SUPT16H: variants seen among roughly 807,000 people sequenced by gnomAD.
The protein encoded by SUPT16H is FACT complex subunit SPT16.
Under a neutral mutation model 136.2 loss-of-function variants are expected in SUPT16H, and 24 were observed. That is an observed-to-expected ratio of 0.18 (90% CI 0.13 to 0.25). SUPT16H has a LOEUF of 0.25. Among genes scored for constraint, SUPT16H ranks in the 10% least tolerant of loss-of-function variants. The pLI, the probability that SUPT16H is intolerant of heterozygous loss-of-function variation, is 1.00. For synonymous variants in SUPT16H, 415 were observed against 428.2 expected, an observed-to-expected ratio of 0.97 and a Z score of 0.38; for missense variants, 623 against 1,270.2, an observed-to-expected ratio of 0.49 and a Z score of 7.74.
At chr14:21,355,468 G>A (rs1266383745) in intron 22 of SUPT16H, among the ~76,000 whole-genome samples, 1 of 147,444 alleles carries the variant, frequency 6.8e-6, no homozygotes, top group African/African-American at 2.5e-5. Flanking sequence ...ACTCCAGCCT[G>A]GGCAACAGAG....
intron 2 of SUPT16H, 22 bp from the exon 3 acceptor site, chr14:21,372,066 A>G: frequency 6.2e-7 from 1 of 1,601,814 alleles, no homozygotes; most frequent in Non-Finnish European, 8.5e-7. Flanking sequence ...GACAACAGTG[A>G]CAACGGTATT....
At chr14:21,381,244 G>C (rs1887016632) in intron 1 of SUPT16H, among the ~76,000 whole-genome samples, 2 of 151,980 alleles carry the variant, frequency 1.3e-5, no homozygotes, top group Admixed American at 1.3e-4. Context: ...AAAGTACATG[G>C]TAACTACAAT....
intron 3 of SUPT16H, 71 bp downstream of exon 3, chr14:21,371,803 T>C: frequency 6.3e-7 from 1 of 1,580,516 alleles, no homozygotes; most frequent in Non-Finnish European, 8.6e-7. Context: ...TTCAAACTCC[T>C]ATAAGGCATT....
At chr14:21,365,478 C>T (rs553428519) in intron 8 of SUPT16H, among the ~76,000 whole-genome samples, 2 of 152,198 alleles carry the variant, frequency 1.3e-5, no homozygotes, top group African/African-American at 4.8e-5. Flanking sequence ...GGGTACATTA[C>T]TAAGACAGTA....
chr14:21,354,186 GA>G (rs1886380387), intron 23 of SUPT16H, among the ~76,000 whole-genome samples: 1 of 152,126 alleles, frequency 6.6e-6, no homozygotes, highest in Admixed American at 6.5e-5. Flanking sequence ...TAAATGCTAA[GA>G]AACTCATTGA....
At chr14:21,366,623 G>T in intron 7 of SUPT16H, 94 bp from the exon 8 acceptor site, 29 of 1,141,672 alleles carry the variant, frequency 2.5e-5, no homozygotes, top group Middle Eastern at 2.8e-4. Flanking sequence ...CTAAAGCAGT[G>T]TTTCTCAAAG....
chr14:21,368,518 A>G (rs1886719573), intron 6 of SUPT16H, 77 bp from the exon 7 acceptor site: 1 of 1,423,648 alleles, frequency 7.0e-7, no homozygotes, highest in Non-Finnish European at 9.4e-7. Flanking sequence ...ACACGGTATC[A>G]ATAATCATTA....
Position 21,370,497 on chromosome 14 carries a change from G to A in SUPT16H, c.331-9C>T, listed in dbSNP as rs1192628098. 3.1e-6 allele frequency: 5 copies of A among 1,613,364 alleles called. No homozygotes were observed. Among genetic ancestry groups the A allele is most frequent in the African/African-American group, 1.3e-5 (1 of 74,868 alleles). ...CTCTTATTACTTTCATTCTGTCAGT[G>A]TCATAGGGAAGAAAAGACACATATG... On this transcript the variant is annotated splice_polypyrimidine_tract_variant and intron_variant, in intron 3 of 25. Transcript: ENST00000216297.
At position 21,351,562 on chromosome 14, in the gene SUPT16H, A is replaced by G; in HGVS notation, c.*1111T>C. On this transcript the variant is annotated 3_prime_UTR_variant, in exon 26 of 26. Coordinates refer to ENST00000216297, the MANE Select transcript of SUPT16H (RefSeq NM_007192.4). ...AAAATATCAAGTCCTACTGCTAAGG[A>G]GAAAAAACAAACAAACATAAAATCC... 5.6e-6 allele frequency: 1 copy of G among 179,542 alleles called. No homozygotes were observed. The highest frequency in any genetic ancestry group is 6.2e-5 in the Admixed American group (1 of 16,236). The allele number at this position is 179,542 out of a possible 1,614,324, so 11.1% of individuals were successfully genotyped here. A position where few individuals can be genotyped will look rare whatever the true frequency, so the allele number is the denominator to read the frequency against.
intron 7 of SUPT16H, 22 bp from the exon 8 acceptor site, chr14:21,366,551 G>T (rs980767318): frequency 5.0e-6 from 8 of 1,593,404 alleles, no homozygotes; most frequent in Admixed American, 1.8e-5. Context: ...ACACAAAGGA[G>T]ATATTAAAGT....
chr14:21,378,674 A>G (rs1054547784), intron 1 of SUPT16H, among the ~76,000 whole-genome samples: 4 of 152,236 alleles, frequency 2.6e-5, no homozygotes, highest in African/African-American at 9.6e-5. Flanking sequence ...AGTTAAATTC[A>G]GATTTACCAT....
chr14:21,383,966 C>A lies in SUPT16H; in HGVS notation c.-39G>T. 1 of 1,611,554 alleles carries A rather than the reference C, an allele frequency of 6.2e-7. No individual in the cohort carries two copies. Among genetic ancestry groups the A allele is most frequent in the Non-Finnish European group, 8.5e-7 (1 of 1,179,366 alleles). Reference sequence around the variant, plus strand: ...GCTTCTCCTCGGGTTCCGAGAATCACGCGAGGTCCCGGCTCAGCCACCCGC... The same window carrying A: ...GCTTCTCCTCGGGTTCCGAGAATCAAGCGAGGTCCCGGCTCAGCCACCCGC... On this transcript the variant is annotated 5_prime_UTR_variant, in exon 1 of 26. Coordinates refer to ENST00000216297, the MANE Select transcript of SUPT16H (RefSeq NM_007192.4).
At chr14:21,353,867 G>A in intron 23 of SUPT16H, 35 bp from the exon 24 acceptor site, 1 of 1,576,818 alleles carries the variant, frequency 6.3e-7, no homozygotes, top group Non-Finnish European at 8.6e-7. Context: ...ATTTTTTTTT[G>A]ACATTTACCT....
intron 20 of SUPT16H, 36 bp from the exon 21 acceptor site, chr14:21,358,038 CGA>C (rs1566382413): frequency 3.8e-6 from 6 of 1,571,472 alleles, no homozygotes; most frequent in East Asian, 4.5e-5. Flanking sequence ...GAGCTCATCA[CGA>C]GAGAGACTGC....
chr14:21,366,655 A>C (rs1455341747), intron 7 of SUPT16H, 126 bp from the exon 8 acceptor site: 43 of 359,396 alleles, frequency 1.2e-4, no homozygotes, highest in Admixed American at 4.8e-4. Context: ...CAGTCCACTC[A>C]CTTTTTTTTT....
intron 3 of SUPT16H, 124 bp downstream of exon 3, chr14:21,371,750 G>T: frequency 1.7e-6 from 2 of 1,150,920 alleles, no homozygotes; most frequent in Non-Finnish European, 2.4e-6. Context: ...ACAGAACTTT[G>T]TAATTACAAC....
intron 1 of SUPT16H, among the ~76,000 whole-genome samples, chr14:21,377,103 C>T (rs985612594): frequency 2.2e-5 from 3 of 135,340 alleles, no homozygotes; most frequent in Non-Finnish European, 4.8e-5. Context: ...AAAAGATCAA[C>T]AATGAACAGA....
intron 5 of SUPT16H, 119 bp from the exon 6 acceptor site, chr14:21,369,474 C>T (rs982835132): frequency 3.7e-5 from 50 of 1,358,550 alleles, no homozygotes; most frequent in Middle Eastern, 1.9e-4. Flanking sequence ...ATGATTTATG[C>T]GCCAGGTAAT....
intron 22 of SUPT16H, among the ~76,000 whole-genome samples, chr14:21,356,473 T>TTTA (rs1319068217): frequency 6.6e-6 from 1 of 152,190 alleles, no homozygotes; most frequent in African/African-American, 2.4e-5. Context: ...GAGTGAAACT[T>TTTA]TTAAAGGCTG....
Sources: allele counts gnomAD v4.1 joint callset (sites outside exome capture counted in the v4.1 genomes callset), GRCh38; gene constraint gnomAD v4.1.1; transcripts MANE v1.5; gene names NCBI Gene and HGNC (gene_info 2026-07-23, HGNC 2026-07-21).